Variants in PLSCR2 observed in about 807,000 individuals in gnomAD.
PLSCR2 encodes the protein phospholipid scramblase 2, also known as PL scramblase 2.
In PLSCR2, 18 loss-of-function variants were observed where a neutral mutation model predicts 25.3. The observed-to-expected ratio is 0.71, with a 90% CI of 0.49 to 1.06. PLSCR2 has a LOEUF of 1.06. Ranked by LOEUF, PLSCR2 falls within the 50% of genes least tolerant of loss-of-function variation. PLSCR2 has a pLI of 0.00. For missense variants in PLSCR2, 243 were observed against 269.5 expected (o/e 0.90, Z 0.69); for synonymous variants, 88 against 87.3 (o/e 1.01, Z -0.04).
chr3:146,463,745 C>T, upstream of PLSCR2: 1 of 396,156 alleles, frequency 2.5e-6, no homozygotes. Context: ...ACTCCTCCTA[C>T]TGTGCAATCC....
Position 146,410,652 on chromosome 3 carries a change from G to A in PLSCR2, c.101-14731C>T, listed in dbSNP as rs535914901. Among the ~76,000 whole-genome samples, 251 of 152,338 alleles carry A rather than the reference G, an allele frequency of 1.6e-3. No homozygotes were observed. The Middle Eastern group carries it at 0.02, about 12-fold the overall frequency. ...AGTTTTTACCTAGACATCTTGGGCA[G>A]TACCAACGTCTTGACATGCAAAACC... On this transcript the variant is annotated intron_variant and NMD_transcript_variant, in intron 2 of 3. Transcript: ENST00000463633.
intron 1 of PLSCR2, among the ~76,000 whole-genome samples, chr3:146,495,613 C>A (rs1038994657): frequency 1.3e-5 from 2 of 152,104 alleles, no homozygotes; most frequent in Non-Finnish European, 2.9e-5. Flanking sequence ...AGAAGTTGGT[C>A]ATCTGTGAGG....
intron 1 of PLSCR2, among the ~76,000 whole-genome samples, chr3:146,475,990 G>C (rs1022894609): frequency 6.6e-6 from 1 of 152,028 alleles, no homozygotes; most frequent in Non-Finnish European, 1.5e-5. Context: ...ATTTTGGTCA[G>C]CTTCTTCTAT....
chr3:146,404,422 A>T (rs982202378), intron 2 of PLSCR2, among the ~76,000 whole-genome samples: 11 of 152,274 alleles, frequency 7.2e-5, no homozygotes, highest in African/African-American at 1.2e-4. Context: ...AATGGCAACA[A>T]TCTATGCATG....
chr3:146,417,953 C>T (rs1270461049), intron 2 of PLSCR2, among the ~76,000 whole-genome samples: 1 of 151,966 alleles, frequency 6.6e-6, no homozygotes, highest in East Asian at 1.9e-4. Flanking sequence ...CTCAGGGTTG[C>T]CTTTGTGCTG....
chr3:146,480,155 G>A (rs565609049), intron 1 of PLSCR2, among the ~76,000 whole-genome samples: 116 of 151,990 alleles, frequency 7.6e-4, no homozygotes, highest in African/African-American at 1.5e-3. Context: ...AAATTAACAC[G>A]CTAACATCAC....
upstream of PLSCR2, among the ~76,000 whole-genome samples, chr3:146,462,157 A>T (rs1463767452): frequency 3.3e-5 from 5 of 152,150 alleles, no homozygotes; most frequent in East Asian, 9.6e-4. Flanking sequence ...ATACAGTCAC[A>T]TTCATGGGAT....
chr3:146,400,007 ACAAAATTAGATGG>A (rs531397291), intron 2 of PLSCR2, among the ~76,000 whole-genome samples: 103 of 151,968 alleles, frequency 6.8e-4, no homozygotes, highest in African/African-American at 2.4e-3. Flanking sequence ...AATTCTTTAG[ACAAAATTAGATGG>A]CAAAATTAGA....
intron 1 of PLSCR2, among the ~76,000 whole-genome samples, chr3:146,490,472 A>T (rs185433389): frequency 7.4e-4 from 112 of 152,174 alleles, no homozygotes; most frequent in Admixed American, 3.8e-3. Context: ...TATTATTGTG[A>T]TTATCTAATT....
At chr3:146,439,045 G>T (rs1486781741), downstream of PLSCR2, among the ~76,000 whole-genome samples, 2 of 152,090 alleles carry the variant, frequency 1.3e-5, no homozygotes, top group African/African-American at 4.8e-5. Context: ...GCTTAATTTG[G>T]CTGGATATGA....
rs113676389 is a variant in PLSCR2, at chr3:146,426,301, C to T, written c.101-30380G>A. 6.5e-3 allele frequency among the ~76,000 whole-genome samples: 961 copies of T among 147,618 alleles called. 6 individuals are homozygous for T. Among genetic ancestry groups the T allele is most frequent in the African/African-American group, 0.023 (916 of 40,402 alleles). On this transcript the variant is annotated intron_variant and NMD_transcript_variant, in intron 2 of 3. Coordinates refer to the PLSCR2 transcript ENST00000463633. ...TTCTTCCTTCCTTCCTTCCTGCCTT[C>T]CTTCCCTCCTTCCCTCCTTCCTTCC...
At chr3:146,411,800 A>T (rs1046517103) in intron 2 of PLSCR2, among the ~76,000 whole-genome samples, 1 of 152,214 alleles carries the variant, frequency 6.6e-6, no homozygotes, top group African/African-American at 2.4e-5. Context: ...AAGTACGCAA[A>T]AAGTTAAAAG....
Position 146,490,777 on chromosome 3 carries a change from G to A in PLSCR2, c.-293+5118C>T, listed in dbSNP as rs547106375. On this transcript the variant is annotated intron_variant, in intron 1 of 8. Coordinates refer to the PLSCR2 transcript ENST00000336685. ...GATGGGTCTCTTGAAGACAGTATAT[G>A]GTTGGGTCTTGCTTCTTTATTCAGC... Among the ~76,000 whole-genome samples the A allele has an allele frequency of 2.6e-5, 4 of 152,170 alleles. No homozygotes were observed. In the South Asian group the frequency reaches 8.3e-4, roughly 32 times the overall value.
intron 3 of PLSCR2, among the ~76,000 whole-genome samples, chr3:146,395,307 A>G (rs1358416526): frequency 6.6e-6 from 1 of 152,196 alleles, no homozygotes; most frequent in African/African-American, 2.4e-5. Context: ...AAAAGTATAT[A>G]AGTTGTGAGA....
chr3:146,463,827 C>T, upstream of PLSCR2: 1 of 970,708 alleles, frequency 1.0e-6, no homozygotes, highest in Admixed American at 6.2e-5. Context: ...AAGAAACCAC[C>T]TCCTTACCTG....
At chr3:146,462,474 T>C (rs1374757576), upstream of PLSCR2, among the ~76,000 whole-genome samples, 1 of 151,596 alleles carries the variant, frequency 6.6e-6, no homozygotes, top group Non-Finnish European at 1.5e-5. Flanking sequence ...CTTTCTTTTT[T>C]TTTTTTTGGA....
intron 2 of PLSCR2, among the ~76,000 whole-genome samples, chr3:146,427,631 A>C (rs2039402364): frequency 6.6e-6 from 1 of 152,158 alleles, no homozygotes; most frequent in South Asian, 2.1e-4. Context: ...CTCTGTCTAA[A>C]ACTATATTCT....
chr3:146,422,987 T>C (rs971898215), intron 2 of PLSCR2, among the ~76,000 whole-genome samples: 9 of 152,080 alleles, frequency 5.9e-5, no homozygotes, highest in Non-Finnish European at 1.2e-4. Flanking sequence ...CAGAGGTCTA[T>C]ATTTCTTATA....
At chr3:146,422,491 T>C (rs2039186215) in intron 2 of PLSCR2, among the ~76,000 whole-genome samples, 1 of 152,110 alleles carries the variant, frequency 6.6e-6, no homozygotes, top group South Asian at 2.1e-4. Flanking sequence ...TGAAGACAGC[T>C]ATGACTGGTG....
Sources: allele counts gnomAD v4.1 joint callset (sites outside exome capture counted in the v4.1 genomes callset), GRCh38; gene constraint gnomAD v4.1.1; transcripts MANE v1.5; gene names NCBI Gene and HGNC (gene_info 2026-07-23, HGNC 2026-07-21).